The following FAM114A1 variants were observed in gnomAD, a reference collection of about 807,000 sequenced individuals.
FAM114A1 encodes the protein family with sequence similarity 114 member A1.
Under a neutral mutation model 64.3 loss-of-function variants are expected in FAM114A1, and 62 were observed. That is an observed-to-expected ratio of 0.96 (90% CI 0.79 to 1.19). The LOEUF (loss-of-function observed/expected upper bound fraction) is 1.19. Ranked by LOEUF, FAM114A1 falls within the 50% of genes most tolerant of loss-of-function variation. The pLI is 0.00. For synonymous variants in FAM114A1, 254 were observed against 251.1 expected (o/e 1.01, Z -0.11); for missense variants, 645 against 676.3 (o/e 0.95, Z 0.51).
At chr4:38,906,703 T>C (rs1038314293) in intron 6 of FAM114A1, among the ~76,000 whole-genome samples, 5 of 152,082 alleles carry the variant, frequency 3.3e-5, no homozygotes, top group African/African-American at 1.2e-4. Flanking sequence ...CCCAGCTAAT[T>C]TTTGTGTTTT....
At chr4:38,943,412 A>G (rs1721727965) in intron 14 of FAM114A1, 44 bp from the exon 15 acceptor site, 1 of 1,520,888 alleles carries the variant, frequency 6.6e-7, no homozygotes, top group African/African-American at 1.4e-5. Flanking sequence ...GTCAAGGTTG[A>G]ACTATGAAAA....
chr4:38,929,439 C>A, intron 10 of FAM114A1, 106 bp downstream of exon 10: 1 of 835,920 alleles, frequency 1.2e-6, no homozygotes, highest in South Asian at 1.6e-5. Context: ...ACCCCCAAAT[C>A]TTATGTGGCA....
chr4:38,926,440 G>GTC (rs1437761142), intron 9 of FAM114A1, among the ~76,000 whole-genome samples: 17 of 150,004 alleles, frequency 1.1e-4, no homozygotes, highest in African/African-American at 2.7e-4. Flanking sequence ...CTCTAGCTCT[G>GTC]TCTCTCTCTC....
Position 38,919,793 on chromosome 4 carries a change from A to G in FAM114A1, c.946-2977A>G, listed in dbSNP as rs138508247. On this transcript the variant is annotated intron_variant, in intron 8 of 14. Transcript: ENST00000358869. Reference sequence around the variant, plus strand: ...TGCACATCTTCTCTGCTGACAGTCCATTGGCTGAAACTCAGACCCCATCAT... The same window carrying G: ...TGCACATCTTCTCTGCTGACAGTCCGTTGGCTGAAACTCAGACCCCATCAT... Among the ~76,000 whole-genome samples, 522 of 152,316 alleles carry G rather than the reference A, an allele frequency of 3.4e-3. 2 individuals carry two copies. Among genetic ancestry groups the G allele is most frequent in the African/African-American group, 0.011 (457 of 41,556 alleles).
intron 4 of FAM114A1, among the ~76,000 whole-genome samples, chr4:38,905,132 C>G (rs961496428): frequency 2.6e-5 from 4 of 152,130 alleles, no homozygotes; most frequent in African/African-American, 9.7e-5. Context: ...TGCGATGGCT[C>G]ACACCTGTAA....
chr4:38,883,209 A>T (rs1264143898), intron 3 of FAM114A1, among the ~76,000 whole-genome samples: 2 of 152,128 alleles, frequency 1.3e-5, no homozygotes, highest in African/African-American at 4.8e-5. Flanking sequence ...TAGTTGGGGG[A>T]AACATTGTTG....
At chr4:38,928,579 G>A (rs1306424779) in intron 9 of FAM114A1, among the ~76,000 whole-genome samples, 3 of 152,098 alleles carry the variant, frequency 2.0e-5, no homozygotes, top group Non-Finnish European at 2.9e-5. Flanking sequence ...CCTATGATAT[G>A]TGAGGTATTG....
intron 2 of FAM114A1, among the ~76,000 whole-genome samples, chr4:38,876,919 G>T (rs1714703032): frequency 1.3e-5 from 2 of 152,106 alleles, no homozygotes; most frequent in African/African-American, 2.4e-5. Flanking sequence ...TTTCCTCTTT[G>T]TAATCAAATC....
At chr4:38,905,343 G>T (rs1350053963) in intron 4 of FAM114A1, among the ~76,000 whole-genome samples, 179 bp from the exon 5 acceptor site, 1 of 151,688 alleles carries the variant, frequency 6.6e-6, no homozygotes. Flanking sequence ...AGGTTGCAGT[G>T]AGCCAAGATT....
intron 7 of FAM114A1, among the ~76,000 whole-genome samples, chr4:38,910,107 C>T (rs1718396806): frequency 6.6e-6 from 1 of 151,860 alleles, no homozygotes; most frequent in African/African-American, 2.4e-5. Context: ...GATGTGGTGG[C>T]GAGCACCTGT....
intron 8 of FAM114A1, among the ~76,000 whole-genome samples, chr4:38,917,571 T>A (rs1404055002): frequency 6.6e-6 from 1 of 152,198 alleles, no homozygotes; most frequent in African/African-American, 2.4e-5. Context: ...TGACAGTTGA[T>A]TTTTATATGC....
chr4:38,906,209 C>T (rs1311500721), intron 6 of FAM114A1, among the ~76,000 whole-genome samples: 1 of 152,110 alleles, frequency 6.6e-6, no homozygotes, highest in Admixed American at 6.5e-5. Context: ...TTCCTAAATG[C>T]TCTGCTTATC....
At chr4:38,921,907 T>A (rs780339457) in intron 8 of FAM114A1, among the ~76,000 whole-genome samples, 64 of 152,252 alleles carry the variant, frequency 4.2e-4, no homozygotes, top group Non-Finnish European at 8.2e-4. Context: ...TATTTATTTA[T>A]GTTTATATAT....
intron 3 of FAM114A1, among the ~76,000 whole-genome samples, chr4:38,882,465 G>A (rs1267990186): frequency 6.6e-6 from 1 of 151,606 alleles, no homozygotes; most frequent in Non-Finnish European, 1.5e-5. Flanking sequence ...CCCCGTCTCT[G>A]CTAAAAATAC....
At chr4:38,877,976 A>T in intron 2 of FAM114A1, 95 bp from the exon 3 acceptor site, 1 of 1,113,080 alleles carries the variant, frequency 9.0e-7, no homozygotes, top group Non-Finnish European at 1.2e-6. Context: ...AAAAAAAAAA[A>T]AAAGTTTTCC....
At chr4:38,917,987 C>T (rs967283355) in intron 8 of FAM114A1, among the ~76,000 whole-genome samples, 2 of 151,932 alleles carry the variant, frequency 1.3e-5, no homozygotes, top group Admixed American at 6.6e-5. Context: ...GAAGCTGAGA[C>T]AGGCGGATCA....
rs74395983 is a variant in FAM114A1 at position 38,904,467 on chromosome 4, C to T, written c.437-1055C>T. Among the ~76,000 whole-genome samples, 578 of 152,276 alleles carry T rather than the reference C, an allele frequency of 3.8e-3. 7 individuals are homozygous for T. Among genetic ancestry groups the T allele is most frequent in the East Asian group, 0.024 (126 of 5,182 alleles). On this transcript the variant is annotated intron_variant, in intron 4 of 14. Transcript: ENST00000358869. ...ATTTACCAAATAGTTATTGAATAAC[C>T]GCTCTGCCTGGCTCAGGGAACAAGG...
intron 2 of FAM114A1, among the ~76,000 whole-genome samples, chr4:38,870,123 C>G (rs905917626): frequency 4.6e-5 from 7 of 152,196 alleles, no homozygotes; most frequent in Non-Finnish European, 7.3e-5. Flanking sequence ...CATCCCTTGA[C>G]GCCTGCAGGA....
intron 8 of FAM114A1, among the ~76,000 whole-genome samples, chr4:38,920,499 C>T (rs1257285079): frequency 6.6e-6 from 1 of 152,076 alleles, no homozygotes; most frequent in Non-Finnish European, 1.5e-5. Flanking sequence ...TAGGAGAAAG[C>T]AGGAGAGATG....
Sources: gnomAD v4.1 joint callset for allele counts (sites outside exome capture counted in the v4.1 genomes callset) on GRCh38, gnomAD v4.1.1 for gene constraint, MANE v1.5 for transcripts, NCBI Gene and HGNC (gene_info 2026-07-23, HGNC 2026-07-21) for gene names.